Variants in CSMD2 observed in about 807,000 individuals in gnomAD.
The protein encoded by CSMD2 is CUB and sushi domain-containing protein 2.
A neutral mutation model predicts 398.5 loss-of-function variants in CSMD2; 130 were observed. The ratio of observed to expected loss-of-function variants is 0.33; its 90% confidence interval spans 0.28 to 0.38. The LOEUF (loss-of-function observed/expected upper bound fraction) is 0.38, where lower values mean the gene tolerates loss of function less well. Among genes scored for constraint, CSMD2 ranks in the 10% least tolerant of loss-of-function variants. The pLI is 1.00. For synonymous variants in CSMD2, 1,828 were observed against 1,908.5 expected, an observed-to-expected ratio of 0.96 and a Z score of 1.10; for missense variants, 3,829 against 4,764.9, an observed-to-expected ratio of 0.80 and a Z score of 5.78.
At chr1:33,570,308 C>T (rs1339128765) in intron 51 of CSMD2, among the ~76,000 whole-genome samples, 1 of 150,406 alleles carries the variant, frequency 6.6e-6, no homozygotes, top group Non-Finnish European at 1.5e-5. Context: ...GCTGGGATTA[C>T]AGGTGGGCAC....
In CSMD2 at chr1:33,519,551, C is replaced by G. The variant is rs772977995; in HGVS notation, c.10863G>C (p.Glu3621Asp). 1.2e-5 allele frequency: 20 copies of G among 1,613,930 alleles called. No homozygotes were observed. In the Admixed American group the frequency reaches 3.3e-4, roughly 27 times the overall value. Residue 3621 changes from glutamate (E) to aspartate (D), a missense_variant, in exon 70 of 71, where the codon GAG becomes GAC. This residue lies in a region of CSMD2 where 917 missense variants were observed against 1,199.5 expected (regional missense o/e 0.76). Transcript: ENST00000373381. The surrounding 1 kb of genome is among the most constrained non-coding windows in gnomAD (Gnocchi z 5.6). ...CTGTGCACACTGTGCTGACTGTGAACTCCGCCTCGCTGGCCATGATGTCTG... is the reference window on the plus strand; with the variant it reads ...CTGTGCACACTGTGCTGACTGTGAAGTCCGCCTCGCTGGCCATGATGTCTG... ...QPTDIMASEA[E>D]FTVSTVCTAV
At chr1:33,593,570 T>G (rs1382515132) in intron 44 of CSMD2, among the ~76,000 whole-genome samples, 1 of 152,186 alleles carries the variant, frequency 6.6e-6, no homozygotes, top group African/African-American at 2.4e-5. Context: ...CTGACTATCA[T>G]GAGACTAGCA....
In CSMD2 at chr1:33,663,041, G is replaced by T. The variant is rs1277148281; in HGVS notation, c.4104C>A (p.Ile1368=). ...DTEEVHDVLR[I]WDGPVESGVL... is the part of the protein sequence containing the mutation. ...CCCCGCTCTCCACAGGCCCATCCCAGATGCGCAGCACGTCGTGAACCTCCT... is the reference window on the plus strand; with the variant it reads ...CCCCGCTCTCCACAGGCCCATCCCATATGCGCAGCACGTCGTGAACCTCCT... The change falls in exon 26 of 71, where the codon ATC becomes ATA. Residue 1368 remains isoleucine, a synonymous_variant. Coordinates refer to ENST00000373381, the MANE Select transcript of CSMD2 (RefSeq NM_001281956.2). The T allele has an allele frequency of 6.2e-7, 1 of 1,614,202 alleles. No individual in the cohort carries two copies. The highest frequency in any genetic ancestry group is 1.7e-5 in the Admixed American group (1 of 60,026).
intron 4 of CSMD2, among the ~76,000 whole-genome samples, chr1:33,931,017 G>A (rs543753125): frequency 5.9e-5 from 9 of 152,228 alleles, no homozygotes; most frequent in African/African-American, 1.4e-4. Context: ...AGTCTGCTCC[G>A]GGAAGCTTTG....
intron 3 of CSMD2, among the ~76,000 whole-genome samples, chr1:33,939,174 T>C: frequency 6.6e-6 from 1 of 152,318 alleles, no homozygotes; most frequent in East Asian, 1.9e-4. Context: ...ACTGGCTTAC[T>C]TGGTACTTCC....
intron 3 of CSMD2, among the ~76,000 whole-genome samples, chr1:33,967,936 C>T (rs138646983): frequency 1.4e-4 from 22 of 152,248 alleles, no homozygotes; most frequent in Admixed American, 5.2e-4. Context: ...TTCTGCAAGG[C>T]GGTCAGAAAC....
chr1:34,024,502 T>A (rs1224755483), intron 3 of CSMD2, among the ~76,000 whole-genome samples: 1 of 152,262 alleles, frequency 6.6e-6, no homozygotes, highest in Non-Finnish European at 1.5e-5. Context: ...GGACGTGATA[T>A]GAAAATCATC....
intron 2 of CSMD2, among the ~76,000 whole-genome samples, chr1:34,077,466 A>AG (rs1050783865): frequency 7.0e-6 from 1 of 142,350 alleles, no homozygotes; most frequent in African/African-American, 2.6e-5. Flanking sequence ...CAAAAAAAAA[A>AG]AAAAAAAAAA....
At chr1:33,576,647 G>A (rs1203073285) in intron 49 of CSMD2, among the ~76,000 whole-genome samples, 1 of 152,160 alleles carries the variant, frequency 6.6e-6, no homozygotes, top group Non-Finnish European at 1.5e-5. Flanking sequence ...TGGTTGCACA[G>A]CATTATGGGA....
chr1:34,153,441 C>A (rs1301701099), intron 1 of CSMD2, among the ~76,000 whole-genome samples: 1 of 152,194 alleles, frequency 6.6e-6, no homozygotes. Flanking sequence ...TTTTGTTTAT[C>A]CACTCATCTG....
chr1:34,155,008 G>A (rs1375575582), intron 1 of CSMD2, among the ~76,000 whole-genome samples: 3 of 152,208 alleles, frequency 2.0e-5, no homozygotes, highest in Non-Finnish European at 4.4e-5. Context: ...TTACAGGCGT[G>A]AGCCACCGCG....
Position 33,580,749 on chromosome 1 carries a change from T to G in CSMD2, c.7387+4A>C, listed in dbSNP as rs2148725574. The G allele has an allele frequency of 6.2e-7, 1 of 1,614,088 alleles. No individual in the cohort carries two copies. The highest frequency in any genetic ancestry group is 1.1e-5 in the South Asian group (1 of 91,064). The stretch of plus-strand genomic sequence containing the variant: ...TGTGGCTTATTTGTGTTTTTTTCAC[T>G]CACCTGAATAGCGGATCTTGAAGCC... On this transcript the variant is annotated splice_donor_region_variant and intron_variant, in intron 48 of 70. Coordinates refer to ENST00000373381, the MANE Select transcript of CSMD2 (RefSeq NM_001281956.2).
chr1:33,879,646 C>T (rs551352576), intron 5 of CSMD2, among the ~76,000 whole-genome samples: 115 of 152,266 alleles, frequency 7.6e-4, no homozygotes, highest in Middle Eastern at 3.4e-3. Context: ...GTGTCTCTCC[C>T]CCATTCCTGC....
intron 5 of CSMD2, among the ~76,000 whole-genome samples, chr1:33,889,400 A>G (rs554995771): frequency 4.6e-5 from 7 of 152,310 alleles, no homozygotes; most frequent in Non-Finnish European, 1.0e-4. Context: ...TTTGGAAAAG[A>G]GTTAGGGAAA....
At chr1:34,082,563 T>A (rs926593049) in intron 2 of CSMD2, among the ~76,000 whole-genome samples, 3 of 152,218 alleles carry the variant, frequency 2.0e-5, no homozygotes, top group Admixed American at 1.3e-4. Flanking sequence ...CACCACCCCG[T>A]CTGGGAGGTG....
rs140783580 is a variant in CSMD2 at position 33,825,714 on chromosome 1, C to T, written c.1094G>A (p.Ser365Asn). 6.2e-7 allele frequency: 1 copy of T among 1,613,192 alleles called. No homozygotes were observed. Residue 365 changes from serine (S) to asparagine (N), a missense_variant, in exon 7 of 71, where the codon AGC (serine) becomes AAC (asparagine). By Grantham distance (46) the Ser-to-Asn change is conservative (BLOSUM62 1). Around this residue, in one of 5 missense-constraint regions of CSMD2, gnomAD observed 2,001 missense variants for 2,567.1 expected, o/e 0.78. Transcript: ENST00000373381. The part of the protein sequence containing the change: ...GVKLMPSKDN[S>N]QKTSVLTQVG... ...ACACTTACACACAGACGTCTTCTGG[C>T]TGTTGTCTTTGCTGGGCATCAGCTT...
rs1642826301 is a variant in CSMD2 at position 33,636,690 on chromosome 1, T to C, written c.4775-136A>G. The C allele has an allele frequency of 3.9e-5, 26 of 665,694 alleles. No homozygotes were observed. Among genetic ancestry groups the C allele is most frequent in the South Asian group, 2.7e-4 (14 of 51,454 alleles). The allele number at this position is 665,694 out of a possible 1,614,324, so 41.2% of individuals were successfully genotyped here. A position where few individuals can be genotyped will look rare whatever the true frequency, so the allele number is the denominator to read the frequency against. On this transcript the variant is annotated intron_variant, in intron 29 of 70. Transcript: ENST00000373381. This position sits in a 1 kb window ranked among gnomAD's most constrained non-coding sequence, Gnocchi z 4.8. ...CACGGGGATGCGTGACTGTGGCTCCTATTCCCCTCAGGTCTAGAAACGTCT... is the reference window on the plus strand; with the variant it reads ...CACGGGGATGCGTGACTGTGGCTCCCATTCCCCTCAGGTCTAGAAACGTCT...
At chr1:33,809,586 A>G (rs187433024) in intron 10 of CSMD2, among the ~76,000 whole-genome samples, 25 of 152,200 alleles carry the variant, frequency 1.6e-4, no homozygotes, top group African/African-American at 5.3e-4. Flanking sequence ...TTGATGGTGA[A>G]GAAATAAAAA....
intron 2 of CSMD2, among the ~76,000 whole-genome samples, chr1:34,085,172 T>C (rs995572823): frequency 4.6e-5 from 7 of 151,804 alleles, no homozygotes; most frequent in South Asian, 4.2e-4. Flanking sequence ...TAGGTGGGAA[T>C]TGAACAATGA....
Sources: allele counts gnomAD v4.1 joint callset (sites outside exome capture counted in the v4.1 genomes callset), GRCh38; gene constraint gnomAD v4.1.1; regional missense constraint gnomAD v4.1.1; non-coding constraint Gnocchi (gnomAD v3.1); transcripts MANE v1.5; gene names NCBI Gene and HGNC (gene_info 2026-07-23, HGNC 2026-07-21).